Variants in PCDHGB3 observed in about 807,000 individuals in gnomAD.
The protein encoded by PCDHGB3 is protocadherin gamma subfamily B, 3, also known as protocadherin gamma-B3.
PCDHGB3 carries 40 observed loss-of-function variants against 59.2 expected under a neutral mutation model. That is an observed-to-expected ratio of 0.68 (90% CI 0.52 to 0.88). PCDHGB3 has a LOEUF of 0.88. PCDHGB3 is among the 40% of genes least tolerant of loss of function. The pLI is 0.00. For missense variants in PCDHGB3, 1,309 were observed against 1,187.9 expected, an observed-to-expected ratio of 1.10 and a Z score of -1.50; for synonymous variants, 581 against 503.6, an observed-to-expected ratio of 1.15 and a Z score of -2.06.
At chr5:141,403,758 T>G in intron 1 of PCDHGB3, 1 of 1,613,922 alleles carries the variant, frequency 6.2e-7, no homozygotes, top group Non-Finnish European at 8.5e-7. Context: ...GCCAGCGACC[T>G]GGATGAGGGA....
chr5:141,375,590 T>C (rs750456402), intron 1 of PCDHGB3: 1 of 1,614,162 alleles, frequency 6.2e-7, no homozygotes, highest in South Asian at 1.1e-5. Flanking sequence ...GCCCCTGTCC[T>C]CCTACGTGTC....
rs2099389707 is a variant in PCDHGB3, at chr5:141,476,358, G to A, written c.2416-18449G>A. On this transcript the variant is annotated intron_variant, in intron 1 of 3. Transcript: ENST00000576222. This position sits in a 1 kb window ranked among gnomAD's most constrained non-coding sequence, Gnocchi z 7.6. ...AGCCGAAGATTCTTTGAGGTGAACC[G>A]GGAGACCGGAGAGATGTTTGTGAAC... 6.2e-7 allele frequency: 1 copy of A among 1,614,134 alleles called. No individual in the cohort carries two copies. The highest frequency in any genetic ancestry group is 8.5e-7 in the Non-Finnish European group (1 of 1,180,022).
At chr5:141,384,441 G>A in intron 1 of PCDHGB3, 1 of 1,614,028 alleles carries the variant, frequency 6.2e-7, no homozygotes, top group African/African-American at 1.3e-5. Flanking sequence ...CTGGAGTCCT[G>A]TACGCGCTGC....
intron 1 of PCDHGB3, among the ~76,000 whole-genome samples, chr5:141,492,622 C>A (rs2099742615): frequency 6.6e-6 from 1 of 152,218 alleles, no homozygotes; most frequent in South Asian, 2.1e-4. Flanking sequence ...GCCGGGCGGG[C>A]AGGACTCTAC....
intron 3 of PCDHGB3, among the ~76,000 whole-genome samples, chr5:141,509,622 T>C (rs2099877603): frequency 6.6e-6 from 1 of 152,186 alleles, no homozygotes; most frequent in Non-Finnish European, 1.5e-5. Flanking sequence ...AACAAGTTCC[T>C]GGGTGATGCT....
At chr5:141,495,463 G>T (rs1562169154) in intron 2 of PCDHGB3, among the ~76,000 whole-genome samples, 1 of 152,114 alleles carries the variant, frequency 6.6e-6, no homozygotes, top group Non-Finnish European at 1.5e-5. Context: ...TCTGTCTGTG[G>T]GGTCTCCGTG....
At chr5:141,393,021 G>A (rs758868753) in intron 1 of PCDHGB3, 1 of 1,613,850 alleles carries the variant, frequency 6.2e-7, no homozygotes, top group Non-Finnish European at 8.5e-7. Context: ...CGTCTCCAGA[G>A]GTAGGACGCA....
At chr5:141,402,953 A>G in intron 1 of PCDHGB3, 3 of 1,597,298 alleles carry the variant, frequency 1.9e-6, no homozygotes, top group Middle Eastern at 1.7e-4. Context: ...CGAGGCAGCA[A>G]TGGCAGCTCC....
In PCDHGB3 at chr5:141,477,798, A is replaced by G; in HGVS notation, c.2416-17009A>G. On this transcript the variant is annotated intron_variant, in intron 1 of 3. Transcript: ENST00000576222. The surrounding 1 kb of genome is among the most constrained non-coding windows in gnomAD (Gnocchi z 4.9). ...GTGAACATATTTGTCACTGATCGCA[A>G]TGACAATGCCCCCCAGGTCCTATAT... The G allele has an allele frequency of 6.2e-7, 1 of 1,614,140 alleles. No homozygotes were observed. The highest frequency in any genetic ancestry group is 8.5e-7 in the Non-Finnish European group (1 of 1,180,038).
At chr5:141,375,316 C>T (rs1308700957) in intron 1 of PCDHGB3, 4 of 1,613,660 alleles carry the variant, frequency 2.5e-6, no homozygotes, top group South Asian at 2.2e-5. Flanking sequence ...CAGCTCTAGA[C>T]CGGGAAGAGG....
Position 141,490,070 on chromosome 5 carries a change from T to C in PCDHGB3, c.2416-4737T>C, listed in dbSNP as rs2099695766. ...CCAGACGAGGGCACCAACGGCCAAC[T>C]AGACTATTCTTTTGGAGACCACACA... On this transcript the variant is annotated intron_variant, in intron 1 of 3. Transcript: ENST00000576222. The surrounding 1 kb of genome is among the most constrained non-coding windows in gnomAD (Gnocchi z 5.4). The C allele has an allele frequency of 6.2e-7, 1 of 1,614,198 alleles. No individual in the cohort carries two copies.
chr5:141,393,007 G>A (rs1486010375), intron 1 of PCDHGB3: 3 of 1,613,850 alleles, frequency 1.9e-6, no homozygotes, highest in East Asian at 2.2e-5. Context: ...CACGGAGTCC[G>A]TATCGTCTCC....
intron 1 of PCDHGB3, chr5:141,384,838 C>G: frequency 6.2e-7 from 1 of 1,613,540 alleles, no homozygotes; most frequent in Non-Finnish European, 8.5e-7. Flanking sequence ...GGTGGCCGTC[C>G]AGGACCACGG....
At position 141,372,339 on chromosome 5, in the gene PCDHGB3, G is replaced by A. The variant is rs751001716; in HGVS notation, c.1945G>A (p.Gly649Arg). Residue 649 changes from glycine to arginine, a missense_variant, in exon 1 of 4, where the codon GGA becomes AGA. By Grantham distance (125) the Gly-to-Arg change is moderately radical. Coordinates refer to ENST00000576222, the MANE Select transcript of PCDHGB3 (RefSeq NM_018924.5). ...GCGCCTGCTGGTCACTGTGCGTGAT[G>A]GAGGACAGCAGCCTCTTTCAGCCAC... ...RQRLLVTVRDGGQQPLSATVM... is the reference protein window; with the variant it reads ...RQRLLVTVRDRGQQPLSATVM... 1 of 1,613,798 alleles carries A rather than the reference G, an allele frequency of 6.2e-7. No homozygotes were observed. Among genetic ancestry groups the A allele is most frequent in the South Asian group, 1.1e-5 (1 of 91,088 alleles).
intron 1 of PCDHGB3, chr5:141,413,119 G>C: frequency 6.6e-7 from 1 of 1,522,222 alleles, no homozygotes; most frequent in Non-Finnish European, 8.8e-7. Flanking sequence ...AAAGGAACCG[G>C]TTGAAACACA....
chr5:141,389,853 A>G, intron 1 of PCDHGB3: 1 of 1,614,050 alleles, frequency 6.2e-7, no homozygotes, highest in South Asian at 1.1e-5. Context: ...GGCCACTGCC[A>G]CGTTGCACCT....
At chr5:141,479,620 G>A (rs2099501211) in intron 1 of PCDHGB3, 2 of 152,192 alleles carry the variant, frequency 1.3e-5, no homozygotes, top group African/African-American at 4.8e-5. Context: ...GGGAAACCAT[G>A]TCTCTTTAAC....
chr5:141,431,420 G>A lies in PCDHGB3; in HGVS notation c.2415+58611G>A, dbSNP rs780266425. ...TACGGCCTCCGACGGGGGCGACCCG[G>A]TGCGCACAGGCACCGCGCGCATCCG... On this transcript the variant is annotated intron_variant, in intron 1 of 3. Coordinates refer to ENST00000576222, the MANE Select transcript of PCDHGB3 (RefSeq NM_018924.5). The surrounding 1 kb of genome is among the most constrained non-coding windows in gnomAD (Gnocchi z 4.8). 5 of 1,613,592 alleles carry A rather than the reference G, an allele frequency of 3.1e-6. No homozygotes were observed. The highest frequency in any genetic ancestry group is 3.4e-6 in the Non-Finnish European group (4 of 1,180,050).
At chr5:141,505,505 G>A (rs2099846270) in intron 3 of PCDHGB3, 24 bp downstream of exon 3, 1 of 1,614,132 alleles carries the variant, frequency 6.2e-7, no homozygotes, top group Non-Finnish European at 8.5e-7. Flanking sequence ...GTGTGTGTAT[G>A]GAAGAGTGGG....
Sources: gnomAD v4.1 joint callset for allele counts (sites outside exome capture counted in the v4.1 genomes callset) on GRCh38, gnomAD v4.1.1 for gene constraint, Gnocchi (gnomAD v3.1) non-coding constraint, MANE v1.5 for transcripts, NCBI Gene and HGNC (gene_info 2026-07-23, HGNC 2026-07-21) for gene names.